Variants in RNLS observed in about 807,000 individuals in gnomAD.
The protein encoded by RNLS is renalase, FAD dependent amine oxidase.
Under a neutral mutation model 39.8 loss-of-function variants are expected in RNLS, and 39 were observed. The observed-to-expected ratio is 0.98, with a 90% CI of 0.76 to 1.28. RNLS has a LOEUF of 1.28. Ranked by LOEUF, RNLS falls within the 50% of genes most tolerant of loss-of-function variation. RNLS has a pLI of 0.00. For missense variants in RNLS, 410 were observed against 413.3 expected (o/e 0.99, Z 0.07); for synonymous variants, 147 against 150.7 (o/e 0.98, Z 0.18).
the RNLS span, among the ~76,000 whole-genome samples, chr10:88,231,968 G>GTGTGTGTGTGTGTGTGTGTC: frequency 7.0e-5 from 10 of 142,292 alleles, no homozygotes; most frequent in Middle Eastern, 3.6e-3. Flanking sequence ...GTGTGTGTGT[G>GTGTGTGTGTGTGTGTGTGTC]TGTCTGTCTC....
At chr10:88,273,452 T>C (rs1842706690), downstream of RNLS, among the ~76,000 whole-genome samples, 1 of 152,230 alleles carries the variant, frequency 6.6e-6, no homozygotes, top group East Asian at 1.9e-4. Context: ...TTACATATTG[T>C]GGGTTTTCTC....
intron 4 of RNLS, among the ~76,000 whole-genome samples, chr10:88,551,301 A>G (rs191050328): frequency 8.5e-4 from 130 of 152,330 alleles, no homozygotes; most frequent in African/African-American, 3.0e-3. Context: ...ATTTTATCTA[A>G]AATTTTTTAA....
chr10:88,213,603 C>T, the RNLS span, among the ~76,000 whole-genome samples: 4 of 152,048 alleles, frequency 2.6e-5, no homozygotes, highest in Non-Finnish European at 4.4e-5. Flanking sequence ...CTGCCAGAGC[C>T]GCCATCTTGA....
At chr10:88,574,873 T>C (rs2134457384) in intron 3 of RNLS, among the ~76,000 whole-genome samples, 1 of 152,060 alleles carries the variant, frequency 6.6e-6, no homozygotes, top group South Asian at 2.1e-4. Flanking sequence ...TCTGCTTCAC[T>C]CTGTTTTTAT....
chr10:88,354,282 C>T (rs577772343), intron 5 of RNLS, among the ~76,000 whole-genome samples: 2 of 152,080 alleles, frequency 1.3e-5, no homozygotes, highest in Non-Finnish European at 2.9e-5. Flanking sequence ...TTATTTTGCT[C>T]GTTAGTTGAT....
At chr10:88,200,093 C>G in the RNLS span, among the ~76,000 whole-genome samples, 1 of 152,208 alleles carries the variant, frequency 6.6e-6, no homozygotes, top group Non-Finnish European at 1.5e-5. Context: ...TGCACTACTG[C>G]ACTCCAGCCT....
chr10:88,448,904 GAGCCA>G, intron 4 of RNLS, among the ~76,000 whole-genome samples: 3 of 152,134 alleles, frequency 2.0e-5, no homozygotes, highest in Admixed American at 2.0e-4. Context: ...GCAAAGACAA[GAGCCA>G]AACACTGCAT....
intron 4 of RNLS, among the ~76,000 whole-genome samples, chr10:88,451,752 T>C (rs1842369732): frequency 1.3e-5 from 2 of 152,138 alleles, no homozygotes; most frequent in African/African-American, 4.8e-5. Context: ...TATACACATA[T>C]AAAACAAGTA....
In RNLS at chr10:88,483,501, T is replaced by C. The variant is rs553164920; in HGVS notation, c.526+89402A>G. Among the ~76,000 whole-genome samples the C allele has an allele frequency of 9.8e-5, 15 of 152,312 alleles. No individual in the cohort carries two copies. The South Asian group carries it at 2.5e-3, about 25-fold the overall frequency. ...TTTCTTGTTAACTGTGATTTTTCAA[T>C]TGATGGCTACTAATTTTGTAATAAC... On this transcript the variant is annotated intron_variant, in intron 4 of 6. Transcript: ENST00000331772.
chr10:88,553,625 C>T (rs1848705009), intron 4 of RNLS, among the ~76,000 whole-genome samples: 1 of 152,158 alleles, frequency 6.6e-6, no homozygotes, highest in South Asian at 2.1e-4. Context: ...AGAGACCCTA[C>T]CATTAAGATT....
intron 4 of RNLS, among the ~76,000 whole-genome samples, chr10:88,477,630 CA>C (rs1312930095): frequency 6.6e-6 from 1 of 152,176 alleles, no homozygotes; most frequent in Non-Finnish European, 1.5e-5. Flanking sequence ...AAGACAATAA[CA>C]GTGGTATGTG....
At chr10:88,259,747 G>T in the RNLS span, among the ~76,000 whole-genome samples, 2,474 of 152,042 alleles carry the variant, frequency 0.016, 21 homozygotes, top group Non-Finnish European at 0.024. Flanking sequence ...GACTTTTTTT[G>T]TTGTTGTTGT....
chr10:88,342,920 A>C (rs1168754018), intron 5 of RNLS, among the ~76,000 whole-genome samples: 1 of 152,196 alleles, frequency 6.6e-6, no homozygotes, highest in African/African-American at 2.4e-5. Flanking sequence ...TTTTATTAGA[A>C]CACAGCCACG....
the RNLS span, among the ~76,000 whole-genome samples, chr10:88,253,829 CT>C: frequency 6.6e-6 from 1 of 152,158 alleles, no homozygotes; most frequent in African/African-American, 2.4e-5. Flanking sequence ...GTTTGTCCCC[CT>C]GGGGCGTGGA....
chr10:88,279,939 T>A (rs1272647029), downstream of RNLS, among the ~76,000 whole-genome samples: 1 of 152,092 alleles, frequency 6.6e-6, no homozygotes, highest in African/African-American at 2.4e-5. Flanking sequence ...TGTCTCATGG[T>A]TTTGAAGCAA....
At chr10:88,219,755 T>A in the RNLS span, among the ~76,000 whole-genome samples, 1 of 152,322 alleles carries the variant, frequency 6.6e-6, no homozygotes, top group South Asian at 2.1e-4. Context: ...TGTGACTTGT[T>A]GAGATTTAAA....
chr10:88,253,073 C>T, the RNLS span, among the ~76,000 whole-genome samples: 3 of 152,168 alleles, frequency 2.0e-5, no homozygotes, highest in Non-Finnish European at 4.4e-5. Context: ...AAGATAAAAG[C>T]AGTGTTTAAG....
At chr10:88,257,936 C>T in the RNLS span, among the ~76,000 whole-genome samples, 2 of 152,028 alleles carry the variant, frequency 1.3e-5, no homozygotes, top group Non-Finnish European at 2.9e-5. Context: ...TGTTGTAATG[C>T]TTTTTCCTTT....
In RNLS at chr10:88,582,197, C is replaced by A; in HGVS notation, c.224+5G>T. 1 of 1,609,704 alleles carries A rather than the reference C, an allele frequency of 6.2e-7. No individual in the cohort carries two copies. The highest frequency in any genetic ancestry group is 8.5e-7 in the Non-Finnish European group (1 of 1,176,636). On this transcript the variant is annotated splice_donor_5th_base_variant and intron_variant, in intron 2 of 6. Coordinates refer to ENST00000331772, the MANE Select transcript of RNLS (RefSeq NM_001031709.3). ...GATTGATTCCACTCCTTGCAACTAA[C>A]TCACCGTTGGTGTTTTTTGGCATAA...
Sources: gnomAD v4.1 joint callset for allele counts (sites outside exome capture counted in the v4.1 genomes callset) on GRCh38, gnomAD v4.1.1 for gene constraint, MANE v1.5 for transcripts, NCBI Gene and HGNC (gene_info 2026-07-23, HGNC 2026-07-21) for gene names.